Variants in HTR1F observed in about 807,000 individuals in gnomAD.
HTR1F encodes 5-hydroxytryptamine (serotonin) receptor 1F, G protein-coupled.
A neutral mutation model predicts 24.0 loss-of-function variants in HTR1F; 17 were observed. The observed-to-expected ratio is 0.71, with a 90% CI of 0.48 to 1.06. The LOEUF is 1.06. Ranked by LOEUF, HTR1F falls within the 50% of genes least tolerant of loss-of-function variation. The probability of loss-of-function intolerance (pLI) is 0.00; values close to 1 mark genes in which losing one functional copy is unlikely to be tolerated. For synonymous variants in HTR1F, 186 were observed against 156.8 expected, an observed-to-expected ratio of 1.19 and a Z score of -1.39; for missense variants, 391 against 427.8, an observed-to-expected ratio of 0.91 and a Z score of 0.76.
At chr3:87,843,878 T>A (rs1177712970) in intron 2 of HTR1F, among the ~76,000 whole-genome samples, 2 of 151,804 alleles carry the variant, frequency 1.3e-5, no homozygotes, top group Admixed American at 1.3e-4. Context: ...TATGGCTGCA[T>A]AGTATTCCAT....
intron 2 of HTR1F, among the ~76,000 whole-genome samples, chr3:87,891,135 C>G (rs1475783124): frequency 1.3e-5 from 2 of 152,068 alleles, no homozygotes. Flanking sequence ...GCCACCGCAC[C>G]CAGCTCACTT....
At chr3:87,842,657 T>A (rs1323443077) in intron 2 of HTR1F, among the ~76,000 whole-genome samples, 1 of 151,980 alleles carries the variant, frequency 6.6e-6, no homozygotes, top group Non-Finnish European at 1.5e-5. Context: ...ACCACATATA[T>A]GATGGCTTTA....
At chr3:87,965,982 T>G (rs1405550523) in intron 2 of HTR1F, among the ~76,000 whole-genome samples, 2 of 152,214 alleles carry the variant, frequency 1.3e-5, no homozygotes, top group Non-Finnish European at 2.9e-5. Context: ...TTCCTCCTCC[T>G]AGACATAATA....
At chr3:87,974,965 G>A (rs1705363036) in intron 2 of HTR1F, among the ~76,000 whole-genome samples, 1 of 151,984 alleles carries the variant, frequency 6.6e-6, no homozygotes, top group Non-Finnish European at 1.5e-5. Context: ...CACAACTAGG[G>A]AATATATAAA....
At chr3:87,984,363 A>AGTGTT (rs1559658660) in intron 2 of HTR1F, among the ~76,000 whole-genome samples, 1 of 151,324 alleles carries the variant, frequency 6.6e-6, no homozygotes, top group Non-Finnish European at 1.5e-5. Flanking sequence ...ACAAGTACAA[A>AGTGTT]GTGTTGTTTT....
At chr3:87,971,787 A>AT (rs1705291278) in intron 2 of HTR1F, among the ~76,000 whole-genome samples, 1 of 152,122 alleles carries the variant, frequency 6.6e-6, no homozygotes, top group African/African-American at 2.4e-5. Context: ...TTCAGCACTC[A>AT]TTTTCACTTT....
chr3:87,977,155 C>T (rs116532185), intron 2 of HTR1F, among the ~76,000 whole-genome samples: 1,748 of 152,244 alleles, frequency 0.011, 42 homozygotes, highest in African/African-American at 0.04. Flanking sequence ...TGGATCCCAT[C>T]AAAGGAAGAC....
intron 2 of HTR1F, among the ~76,000 whole-genome samples, chr3:87,946,628 T>TA (rs71131531): frequency 0.45 from 46,147 of 102,036 alleles, 8,476 homozygotes; most frequent in South Asian, 0.55. Context: ...TATATATATA[T>TA]TTTTTTTTTT....
intron 1 of HTR1F, among the ~76,000 whole-genome samples, chr3:87,820,200 A>G (rs1171534739): frequency 7.2e-6 from 1 of 139,420 alleles, no homozygotes; most frequent in Non-Finnish European, 1.5e-5. Context: ...TTTTTGAGAC[A>G]GAGTCTCGCT....
intron 2 of HTR1F, among the ~76,000 whole-genome samples, chr3:87,901,187 C>A (rs1363184953): frequency 6.6e-6 from 1 of 152,082 alleles, no homozygotes; most frequent in Non-Finnish European, 1.5e-5. Flanking sequence ...TTTTCATACC[C>A]CATCATTTGT....
At chr3:87,907,834 T>G (rs878856678) in intron 2 of HTR1F, among the ~76,000 whole-genome samples, 3 of 151,982 alleles carry the variant, frequency 2.0e-5, no homozygotes, top group Admixed American at 2.0e-4. Flanking sequence ...AGCAATGGAA[T>G]AGCAAAGAAA....
chr3:87,884,521 G>C (rs1017058752), intron 2 of HTR1F, among the ~76,000 whole-genome samples: 23 of 152,090 alleles, frequency 1.5e-4, no homozygotes, highest in African/African-American at 5.3e-4. Context: ...AATGTAAATG[G>C]GCTAAATGCC....
intron 1 of HTR1F, among the ~76,000 whole-genome samples, chr3:87,820,208 G>T (rs1185757375): frequency 2.3e-5 from 3 of 129,840 alleles, no homozygotes; most frequent in Non-Finnish European, 3.1e-5. Context: ...ACAGAGTCTC[G>T]CTCTGTCGCC....
rs571903710 is a variant in HTR1F, at chr3:87,853,363, A to T, written c.-43+31239A>T. Among the ~76,000 whole-genome samples, 41 of 151,696 alleles carry T rather than the reference A, an allele frequency of 2.7e-4. No individual in the cohort carries two copies. The South Asian group carries it at 8.1e-3, about 30-fold the overall frequency. On this transcript the variant is annotated intron_variant, in intron 2 of 2. Coordinates refer to ENST00000319595, the MANE Select transcript of HTR1F (RefSeq NM_001322209.2). ...GCGTTAGTTTGCTAAAAGGATAATG[A>T]CCTCCAGCTCCATCCATGTTCCTGC...
intron 1 of HTR1F, among the ~76,000 whole-genome samples, chr3:87,810,477 C>A (rs1452188598): frequency 1.3e-5 from 2 of 152,138 alleles, no homozygotes; most frequent in Admixed American, 6.6e-5. Flanking sequence ...CCCATACTTT[C>A]TTTTGATGCC....
At chr3:87,819,398 T>TA (rs1559593854) in intron 1 of HTR1F, among the ~76,000 whole-genome samples, 1 of 151,954 alleles carries the variant, frequency 6.6e-6, no homozygotes, top group Non-Finnish European at 1.5e-5. Context: ...GTTTTATCTG[T>TA]AGACTTATTT....
chr3:87,855,340 T>G (rs1267977824), intron 2 of HTR1F, among the ~76,000 whole-genome samples: 1 of 152,064 alleles, frequency 6.6e-6, no homozygotes, highest in African/African-American at 2.4e-5. Context: ...TTCCTCTTCC[T>G]GATAATCCAG....
intron 2 of HTR1F, among the ~76,000 whole-genome samples, chr3:87,986,085 A>G (rs1292270149): frequency 6.6e-6 from 1 of 152,166 alleles, no homozygotes; most frequent in Admixed American, 6.5e-5. Flanking sequence ...AATGCAGTCT[A>G]TGTTCTAAGA....
chr3:87,851,559 A>T (rs1371383922), intron 2 of HTR1F, among the ~76,000 whole-genome samples: 1 of 151,584 alleles, frequency 6.6e-6, no homozygotes, highest in Non-Finnish European at 1.5e-5. Flanking sequence ...ATGCTATTTC[A>T]TGGGACTTTT....
Sources: gnomAD v4.1 joint callset for allele counts (sites outside exome capture counted in the v4.1 genomes callset) on GRCh38, gnomAD v4.1.1 for gene constraint, MANE v1.5 for transcripts, NCBI Gene and HGNC (gene_info 2026-07-23, HGNC 2026-07-21) for gene names.